Variants in NALF2 observed in about 807,000 individuals in gnomAD.
NALF2 encodes bB57D9.1 (TED protein).
Under a neutral mutation model 24.8 loss-of-function variants are expected in NALF2, and 1 was observed. The observed-to-expected ratio is 0.04, with a 90% CI of 0.01 to 0.19. The LOEUF is 0.19. NALF2 is among the 10% of genes least tolerant of loss of function. The pLI, the probability that NALF2 is intolerant of heterozygous loss-of-function variation, is 1.00. For missense variants in NALF2, 458 were observed against 409.6 expected, an observed-to-expected ratio of 1.12 and a Z score of -1.02; for synonymous variants, 254 against 189.8, an observed-to-expected ratio of 1.34 and a Z score of -2.78.
intron 1 of NALF2, among the ~76,000 whole-genome samples, chrX:69,514,853 GT>G (rs373827543): frequency 1.2e-3 from 138 of 111,810 alleles, no homozygotes; most frequent in African/African-American, 3.7e-3. Flanking sequence ...AAATCATACT[GT>G]TTTTTACCCT....
rs921160967 is a variant in NALF2 at position 69,518,469 on chromosome X, TTCAGAG to T, written c.862-10520_862-10515del. 4.5e-5 allele frequency among the ~76,000 whole-genome samples: 5 copies of T among 112,065 alleles called. 1 individual carries two copies. The highest frequency in any genetic ancestry group is 3.8e-4 in the Admixed American group (4 of 10,623). On this transcript the variant is annotated intron_variant, in intron 1 of 2. Coordinates refer to ENST00000252338, the MANE Select transcript of NALF2 (RefSeq NM_015686.3). The stretch of plus-strand genomic sequence containing the variant: ...CACACACACACCCCAAGCCTCACTC[TTCAGAG>T]TCAAACACTTGAGACACTCTTGACT...
chrX:69,518,841 T>G (rs757375216), intron 1 of NALF2, among the ~76,000 whole-genome samples: 1 of 112,482 alleles, frequency 8.9e-6, no homozygotes, highest in African/African-American at 3.2e-5. Context: ...TCCACATTTC[T>G]AAATGCCATG....
At chrX:69,506,930 C>T (rs1348179883) in intron 1 of NALF2, among the ~76,000 whole-genome samples, 1 of 112,491 alleles carries the variant, frequency 8.9e-6, no homozygotes, top group African/African-American at 3.2e-5. Flanking sequence ...AGAGGTGAGG[C>T]AGCTGCAGAC....
chrX:69,513,958 C>G (rs1200395975), intron 1 of NALF2, among the ~76,000 whole-genome samples: 3 of 111,083 alleles, frequency 2.7e-5, no homozygotes, highest in Non-Finnish European at 5.7e-5. Flanking sequence ...TTTTGGAGGT[C>G]GAGCTGAGCA....
chrX:69,516,989 A>G (rs1241707721), intron 1 of NALF2, among the ~76,000 whole-genome samples: 1 of 111,814 alleles, frequency 8.9e-6, no homozygotes, highest in Non-Finnish European at 1.9e-5. Context: ...CAGACATACA[A>G]ATCTCTCCCT....
chrX:69,525,330 G>A (rs979276941), intron 1 of NALF2, among the ~76,000 whole-genome samples: 15 of 111,577 alleles, frequency 1.3e-4, no homozygotes, highest in African/African-American at 4.6e-4. Flanking sequence ...ATTTTGGGGT[G>A]AGGGTGAGGC....
chrX:69,517,754 G>A (rs1602194964), intron 1 of NALF2, among the ~76,000 whole-genome samples: 1 of 111,779 alleles, frequency 8.9e-6, no homozygotes, highest in Non-Finnish European at 1.9e-5. Context: ...GAGGCAGAGA[G>A]GGAGATGGAA....
intron 1 of NALF2, among the ~76,000 whole-genome samples, chrX:69,525,980 G>A (rs888861224): frequency 3.6e-5 from 4 of 109,662 alleles, no homozygotes; most frequent in South Asian, 7.9e-4. Context: ...CTCTTTTCCC[G>A]TTCCTTTTCA....
Position 69,504,891 on chromosome X carries a change from G to GA in NALF2, c.-392_-391insA, listed in dbSNP as rs1213696460. On this transcript the variant is annotated 5_prime_UTR_variant, in exon 1 of 3. Transcript: ENST00000252338. ...AGACGGCCGGTTTGGAGTGCGAGCC[G>GA]GGCGGCCGCCGGCGCGGAGTGAAGT... is the stretch of plus-strand genomic sequence containing the variant. 2.8e-5 allele frequency among the ~76,000 whole-genome samples: 3 copies of GA among 107,504 alleles called. No individual in the cohort carries two copies. In the East Asian group the frequency reaches 8.9e-4, roughly 32 times the overall value. 93.4% of individuals were successfully genotyped at this position (107,504 alleles called of 115,157 possible).
At position 69,529,797 on chromosome X, in the gene NALF2, C is replaced by T. The variant is rs756958587; in HGVS notation, c.1260C>T (p.Val420=). 5.8e-6 allele frequency: 7 copies of T among 1,211,856 alleles called. No individual in the cohort carries two copies. The highest frequency in any genetic ancestry group is 6.7e-6 in the Non-Finnish European group (6 of 895,492). ...RVSNKPALLP[V]SGGSRLSPSR... Reference sequence around the variant, plus strand: ...GCAACAAGCCCGCCCTGCTGCCGGTCTCTGGGGGCTCCCGCCTCAGCCCTA... The same window carrying T: ...GCAACAAGCCCGCCCTGCTGCCGGTTTCTGGGGGCTCCCGCCTCAGCCCTA... The change falls in exon 3 of 3, where the codon GTC becomes GTT. Residue 420 remains valine, a synonymous_variant. Coordinates refer to ENST00000252338, the MANE Select transcript of NALF2 (RefSeq NM_015686.3).
intron 1 of NALF2, among the ~76,000 whole-genome samples, chrX:69,519,892 C>T (rs1466877142): frequency 8.9e-6 from 1 of 112,313 alleles, no homozygotes; most frequent in Non-Finnish European, 1.9e-5. Context: ...TGAAACTGCT[C>T]TCACCATAAT....
At chrX:69,521,430 G>T (rs1488738996) in intron 1 of NALF2, among the ~76,000 whole-genome samples, 1 of 110,939 alleles carries the variant, frequency 9.0e-6, no homozygotes, top group Non-Finnish European at 1.9e-5. Flanking sequence ...AGTGCTTCTT[G>T]ACTTACAATG....
In NALF2 at chrX:69,505,208, G is replaced by A; in HGVS notation, c.-75G>A. ...ACGGCGCCGAGGAGCGCAGAGCGGC[G>A]CGCAGCCCGCCCGCCCCAGACGGCC... On this transcript the variant is annotated 5_prime_UTR_variant, in exon 1 of 3. Coordinates refer to ENST00000252338, the MANE Select transcript of NALF2 (RefSeq NM_015686.3). The A allele has an allele frequency of 2.9e-6, 3 of 1,028,393 alleles. No individual in the cohort carries two copies. Among genetic ancestry groups the A allele is most frequent in the Admixed American group, 8.2e-5 (2 of 24,381 alleles). 84.8% of individuals were successfully genotyped at this position (1,028,393 alleles called of 1,213,427 possible).
At position 69,505,069 on chromosome X, in the gene NALF2, A is replaced by ACGGAGCGCGGGAGCGG. The variant is rs1930434463; in HGVS notation, c.-211_-196dup. 9.6e-6 allele frequency among the ~76,000 whole-genome samples: 1 copy of ACGGAGCGCGGGAGCGG among 104,633 alleles called. No homozygotes were observed. The highest frequency in any genetic ancestry group is 3.4e-5 in the African/African-American group (1 of 29,059). 90.9% of individuals were successfully genotyped at this position (104,633 alleles called of 115,157 possible). On this transcript the variant is annotated 5_prime_UTR_variant, in exon 1 of 3. Transcript: ENST00000252338. Reference sequence around the variant, plus strand: ...GGCGGCGGCGCCCGGGCTGAGAGCGACGGAGCGCGGGAGCGGCGCGGAGAC... The same window carrying ACGGAGCGCGGGAGCGG: ...GGCGGCGGCGCCCGGGCTGAGAGCGACGGAGCGCGGGAGCGGCGGAGCGCGGGAGCGGCGCGGAGAC...
intron 1 of NALF2, among the ~76,000 whole-genome samples, chrX:69,509,942 G>A (rs933636261): frequency 3.6e-5 from 4 of 111,838 alleles, no homozygotes; most frequent in African/African-American, 9.7e-5. Flanking sequence ...CTAATTCATC[G>A]TAACAGTCCT....
At position 69,505,973 on chromosome X, in the gene NALF2, G is replaced by C. The variant is rs146856746; in HGVS notation, c.691G>C (p.Val231Leu). 2 of 1,210,082 alleles carry C rather than the reference G, an allele frequency of 1.7e-6. No homozygotes were observed. Among genetic ancestry groups the C allele is most frequent in the Admixed American group, 4.4e-5 (2 of 45,942 alleles). The change falls in exon 1 of 3, where the codon GTG becomes CTG. Residue 231 changes from valine to leucine, a missense_variant. Val to Leu is a conservative substitution (Grantham distance 32). Transcript: ENST00000252338. ...LDTLMGDLLA[V>L]VASPGSGAWE... ...CACCCTGATGGGGGACCTGCTGGCC[G>C]TGGTGGCCAGCCCGGGCTCCGGGGC... is the stretch of plus-strand genomic sequence containing the variant.
chrX:69,517,304 C>T (rs1430499336), intron 1 of NALF2, among the ~76,000 whole-genome samples: 1 of 111,635 alleles, frequency 9.0e-6, no homozygotes, highest in African/African-American at 3.3e-5. Context: ...ACAGTGCCTG[C>T]GAGATGGAAA....
chrX:69,523,254 A>G (rs886356137), intron 1 of NALF2, among the ~76,000 whole-genome samples: 1 of 112,798 alleles, frequency 8.9e-6, no homozygotes, highest in Non-Finnish European at 1.9e-5. Context: ...AGGGCTTTTC[A>G]GCCCCAGAAC....
At position 69,506,026 on chromosome X, in the gene NALF2, G is replaced by A. The variant is rs917671957; in HGVS notation, c.744G>A (p.Glu248=). The A allele has an allele frequency of 8.3e-7, 1 of 1,211,252 alleles. No individual in the cohort carries two copies. The highest frequency in any genetic ancestry group is 3.0e-5 in the East Asian group (1 of 33,784). Residue 248 remains glutamate (E), a synonymous_variant, in exon 1 of 3, where the codon GAG becomes GAA. Coordinates refer to ENST00000252338, the MANE Select transcript of NALF2 (RefSeq NM_015686.3). ...GAWEACSNCI[E]AYQRLDRHAQ... ...GGGAGGCGTGTAGCAACTGTATCGA[G>A]GCGTACCAGCGGCTGGACCGACACG...
Sources: gnomAD v4.1 joint callset for allele counts (sites outside exome capture counted in the v4.1 genomes callset) on GRCh38, gnomAD v4.1.1 for gene constraint, MANE v1.5 for transcripts, NCBI Gene and HGNC (gene_info 2026-07-23, HGNC 2026-07-21) for gene names.